The following ARPC1A variants were observed in gnomAD, a reference collection of about 807,000 sequenced individuals.
The protein encoded by ARPC1A is actin-related protein 2/3 complex subunit 1A.
In ARPC1A, 8 loss-of-function variants were observed where a neutral mutation model predicts 46.9. That is an observed-to-expected ratio of 0.17 (90% confidence interval 0.10 to 0.31). ARPC1A has a LOEUF of 0.31. Ranked by LOEUF, ARPC1A falls within the 10% of genes least tolerant of loss-of-function variation. ARPC1A has a pLI of 1.00. For missense variants in ARPC1A, 286 were observed against 483.6 expected (o/e 0.59, Z 3.83); for synonymous variants, 152 against 169.0 (o/e 0.90, Z 0.78).
At chr7:99,355,916 C>T (rs886414505) in intron 6 of ARPC1A, among the ~76,000 whole-genome samples, 1 of 152,314 alleles carries the variant, frequency 6.6e-6, no homozygotes, top group Non-Finnish European at 1.5e-5. Context: ...ATTGATGCCA[C>T]TTCTCTGCTG....
intron 5 of ARPC1A, among the ~76,000 whole-genome samples, chr7:99,352,105 T>C (rs1793551152): frequency 6.6e-6 from 1 of 152,106 alleles, no homozygotes; most frequent in African/African-American, 2.4e-5. Flanking sequence ...CACCATTAGT[T>C]TGTTGCAGGG....
At chr7:99,356,554 A>G (rs1793638174) in intron 6 of ARPC1A, among the ~76,000 whole-genome samples, 1 of 149,360 alleles carries the variant, frequency 6.7e-6, no homozygotes, top group Non-Finnish European at 1.5e-5. Flanking sequence ...GCAATGAGCC[A>G]AGATCGCACC....
intron 7 of ARPC1A, 69 bp downstream of exon 7, chr7:99,358,484 C>A: frequency 7.4e-7 from 1 of 1,354,414 alleles, no homozygotes. Flanking sequence ...ACAATGTGTG[C>A]TCTGTCACCC....
At chr7:99,328,531 C>CAA (rs1793089489) in intron 1 of ARPC1A, among the ~76,000 whole-genome samples, 1 of 152,166 alleles carries the variant, frequency 6.6e-6, no homozygotes, top group South Asian at 2.1e-4. Context: ...TTAGAGATAT[C>CAA]AAGTGACTTG....
At chr7:99,343,246 G>A (rs548890264) in intron 3 of ARPC1A, among the ~76,000 whole-genome samples, 2 of 151,908 alleles carry the variant, frequency 1.3e-5, no homozygotes, top group Admixed American at 6.6e-5. Context: ...CAGGCAGATC[G>A]CCTGAAGTCA....
intron 9 of ARPC1A, among the ~76,000 whole-genome samples, chr7:99,364,789 G>A (rs959467612): frequency 1.3e-5 from 2 of 152,040 alleles, no homozygotes; most frequent in Admixed American, 1.3e-4. Context: ...ATATCTCCTG[G>A]GTGCCATGCA....
chr7:99,353,868 T>C (rs769175950), intron 5 of ARPC1A, 41 bp from the exon 6 acceptor site: 8 of 1,588,046 alleles, frequency 5.0e-6, no homozygotes, highest in Middle Eastern at 3.3e-4. Context: ...TATACATATA[T>C]TTTCATTTGC....
chr7:99,360,924 G>A (rs1793728398), intron 8 of ARPC1A, among the ~76,000 whole-genome samples: 1 of 136,262 alleles, frequency 7.3e-6, no homozygotes, highest in Non-Finnish European at 1.5e-5. Flanking sequence ...CTGGGTGACA[G>A]AGTGAGACTC....
chr7:99,328,064 A>G (rs758675594), intron 1 of ARPC1A, among the ~76,000 whole-genome samples: 1 of 152,190 alleles, frequency 6.6e-6, no homozygotes, highest in Admixed American at 6.5e-5. Flanking sequence ...GGTGGGTTCT[A>G]TGGTTGGTTT....
intron 5 of ARPC1A, among the ~76,000 whole-genome samples, chr7:99,352,086 A>C (rs1793550723): frequency 2.0e-5 from 3 of 152,140 alleles, no homozygotes; most frequent in Admixed American, 2.0e-4. Flanking sequence ...ATGTCTTTAA[A>C]AGGGTCAACA....
At chr7:99,347,074 T>C (rs915605859) in intron 4 of ARPC1A, among the ~76,000 whole-genome samples, 1 of 152,134 alleles carries the variant, frequency 6.6e-6, no homozygotes, top group African/African-American at 2.4e-5. Flanking sequence ...ATTTTATTTA[T>C]TTATTTATTT....
intron 2 of ARPC1A, 121 bp from the exon 3 acceptor site, chr7:99,338,060 A>G: frequency 1.6e-6 from 1 of 620,316 alleles, no homozygotes; most frequent in Non-Finnish European, 2.7e-6. Flanking sequence ...TTTGGGAACT[A>G]CTTTTTCAAA....
chr7:99,345,196 T>A (rs552350480), intron 4 of ARPC1A, among the ~76,000 whole-genome samples: 1 of 152,022 alleles, frequency 6.6e-6, no homozygotes, highest in East Asian at 1.9e-4. Flanking sequence ...CCTCCCAAAG[T>A]GCTGGGATTA....
chr7:99,336,565 C>T (rs1303370538), intron 2 of ARPC1A, among the ~76,000 whole-genome samples: 2 of 149,970 alleles, frequency 1.3e-5, no homozygotes, highest in Admixed American at 1.3e-4. Flanking sequence ...GATCTCGGCC[C>T]AAAATGCAGC....
chr7:99,357,990 G>A (rs750994382), intron 6 of ARPC1A, among the ~76,000 whole-genome samples: 9 of 152,332 alleles, frequency 5.9e-5, no homozygotes, highest in East Asian at 1.9e-4. Flanking sequence ...TAGGAGCTAA[G>A]AGCAGGGAGA....
In ARPC1A at chr7:99,359,626, C is replaced by A; in HGVS notation, c.871C>A (p.Gln291Lys). ...CGTCTCCAAGTTAGATATTCCAAAA[C>A]AGAGCATCCAACGCAACATGTCTGC... Reference protein sequence around the residue: ...TFVSKLDIPKQSIQRNMSAME... With the variant: ...TFVSKLDIPKKSIQRNMSAME... The change falls in exon 8 of 10, where the codon CAG (glutamine) becomes AAG (lysine). Residue 291 changes from glutamine to lysine, a missense_variant. Around this residue, in one of 5 missense-constraint regions of ARPC1A, gnomAD observed 182 missense variants for 276.7 expected, o/e 0.66. Coordinates refer to ENST00000262942, the MANE Select transcript of ARPC1A (RefSeq NM_006409.4). 1 of 1,614,130 alleles carries A rather than the reference C, an allele frequency of 6.2e-7. No homozygotes were observed. Among genetic ancestry groups the A allele is most frequent in the Non-Finnish European group, 8.5e-7 (1 of 1,180,050 alleles).
intron 1 of ARPC1A, among the ~76,000 whole-genome samples, chr7:99,326,210 C>G (rs1470032385): frequency 6.6e-6 from 1 of 152,130 alleles, no homozygotes; most frequent in Admixed American, 6.5e-5. Flanking sequence ...TCAGGATGTT[C>G]GAGCTCCTAG....
chr7:99,347,957 G>T (rs971306107), intron 4 of ARPC1A, among the ~76,000 whole-genome samples: 1 of 152,160 alleles, frequency 6.6e-6, no homozygotes. Context: ...TTAAACAGCA[G>T]TTTGGGGGCA....
intron 4 of ARPC1A, among the ~76,000 whole-genome samples, chr7:99,348,268 C>A (rs1015989873): frequency 6.6e-6 from 1 of 152,122 alleles, no homozygotes; most frequent in Non-Finnish European, 1.5e-5. Flanking sequence ...CTATGTAATC[C>A]GAAATCTCAC....
Sources: allele counts gnomAD v4.1 joint callset (sites outside exome capture counted in the v4.1 genomes callset), GRCh38; gene constraint gnomAD v4.1.1; regional missense constraint gnomAD v4.1.1; transcripts MANE v1.5; gene names NCBI Gene and HGNC (gene_info 2026-07-23, HGNC 2026-07-21).